The following CTNND2 variants were observed in gnomAD, a reference collection of about 807,000 sequenced individuals.
The protein encoded by CTNND2 is catenin delta 2, also known as catenin delta-2.
CTNND2 carries 22 observed loss-of-function variants against 144.4 expected under a neutral mutation model. That is an observed-to-expected ratio of 0.15 (90% CI 0.11 to 0.22). The LOEUF is 0.22. Among genes scored for constraint, CTNND2 ranks in the 10% least tolerant of loss-of-function variants. The pLI, the probability that CTNND2 is intolerant of heterozygous loss-of-function variation, is 1.00. For synonymous variants in CTNND2, 751 were observed against 695.6 expected (o/e 1.08, Z -1.25); for missense variants, 1,353 against 1,618.8 (o/e 0.84, Z 2.82).
intron 9 of CTNND2, among the ~76,000 whole-genome samples, chr5:11,286,692 G>A (rs1189843091): frequency 6.6e-6 from 1 of 152,198 alleles, no homozygotes; most frequent in East Asian, 1.9e-4. Flanking sequence ...GCTAACAGGA[G>A]TTGGCACATA....
At chr5:11,844,968 A>G (rs1794662449) in intron 1 of CTNND2, among the ~76,000 whole-genome samples, 1 of 152,148 alleles carries the variant, frequency 6.6e-6, no homozygotes, top group Non-Finnish European at 1.5e-5. Flanking sequence ...GCAGGGAGCC[A>G]TCATTTTCAT....
At chr5:11,423,821 A>C (rs924357168) in intron 3 of CTNND2, among the ~76,000 whole-genome samples, 4 of 152,230 alleles carry the variant, frequency 2.6e-5, no homozygotes, top group Non-Finnish European at 4.4e-5. Flanking sequence ...AGCAAAGCTA[A>C]CACCTCTTAG....
intron 3 of CTNND2, among the ~76,000 whole-genome samples, chr5:11,523,253 T>C (rs1772920122): frequency 6.6e-6 from 1 of 152,226 alleles, no homozygotes; most frequent in Non-Finnish European, 1.5e-5. Flanking sequence ...AGCACAATAA[T>C]GTTATTTTGA....
chr5:11,580,921 G>A (rs567862458), intron 2 of CTNND2, among the ~76,000 whole-genome samples: 2 of 152,192 alleles, frequency 1.3e-5, no homozygotes, highest in East Asian at 1.9e-4. Flanking sequence ...GTTTTTAGAA[G>A]CCCCCTCCTC....
chr5:11,327,072 C>T (rs773006940), intron 9 of CTNND2, among the ~76,000 whole-genome samples: 2 of 152,134 alleles, frequency 1.3e-5, no homozygotes, highest in African/African-American at 2.4e-5. Flanking sequence ...GCATGAAGTG[C>T]CTATGTCCAG....
At chr5:11,334,707 C>G in intron 9 of CTNND2, among the ~76,000 whole-genome samples, 1 of 152,306 alleles carries the variant, frequency 6.6e-6, no homozygotes. Flanking sequence ...CCTTCAAGAG[C>G]AGATAGATAG....
chr5:11,441,276 T>G (rs910067757), intron 3 of CTNND2, among the ~76,000 whole-genome samples: 2 of 152,064 alleles, frequency 1.3e-5, no homozygotes, highest in Non-Finnish European at 2.9e-5. Flanking sequence ...CCGAACAGAG[T>G]TGATATAAAA....
intron 2 of CTNND2, among the ~76,000 whole-genome samples, chr5:11,713,583 C>CAAAAAAAAAAA (rs1165519277): frequency 1.7e-5 from 1 of 57,890 alleles, no homozygotes; most frequent in African/African-American, 5.7e-5. Context: ...GACTCCATCT[C>CAAAAAAAAAAA]AAAAAAAAAA....
At chr5:11,252,652 C>T (rs1743780200) in intron 9 of CTNND2, among the ~76,000 whole-genome samples, 4 of 152,142 alleles carry the variant, frequency 2.6e-5, no homozygotes, top group African/African-American at 9.7e-5. Flanking sequence ...GTATAGAGAG[C>T]TTCAGCCACT....
chr5:11,892,560 T>G (rs1245904356), intron 1 of CTNND2, among the ~76,000 whole-genome samples: 3 of 152,062 alleles, frequency 2.0e-5, no homozygotes, highest in Non-Finnish European at 4.4e-5. Context: ...ACAAAGCAAT[T>G]TGCTCTAAAG....
In CTNND2 at chr5:11,765,806, C is replaced by T. The variant is rs72734974; in HGVS notation, c.38-33534G>A. Among the ~76,000 whole-genome samples, 1,326 of 152,080 alleles carry T rather than the reference C, an allele frequency of 8.7e-3. 6 individuals are homozygous for T. Among genetic ancestry groups the T allele is most frequent in the Non-Finnish European group, 0.015 (991 of 67,976 alleles). On this transcript the variant is annotated intron_variant, in intron 1 of 21. Transcript: ENST00000304623. ...CTCAACACAGCTTATTGTTAGAAAA[C>T]AAATCAAATAATTTGTTAATAATAA...
At chr5:11,806,356 T>C (rs1033192375) in intron 1 of CTNND2, among the ~76,000 whole-genome samples, 3 of 152,194 alleles carry the variant, frequency 2.0e-5, no homozygotes, top group Non-Finnish European at 2.9e-5. Context: ...AAATGCATTA[T>C]ATATCTAACA....
intron 2 of CTNND2, among the ~76,000 whole-genome samples, chr5:11,584,305 A>T (rs981090814): frequency 6.6e-6 from 1 of 152,052 alleles, no homozygotes; most frequent in Non-Finnish European, 1.5e-5. Context: ...ACAGTAGTGG[A>T]GGCGGAAAGG....
At chr5:11,577,011 A>G (rs1778023378) in intron 2 of CTNND2, among the ~76,000 whole-genome samples, 1 of 152,140 alleles carries the variant, frequency 6.6e-6, no homozygotes, top group Non-Finnish European at 1.5e-5. Flanking sequence ...ATATATATGA[A>G]ATGCCGAGAG....
intron 2 of CTNND2, among the ~76,000 whole-genome samples, chr5:11,624,152 G>C (rs1781027554): frequency 6.6e-6 from 1 of 151,932 alleles, no homozygotes; most frequent in Non-Finnish European, 1.5e-5. Flanking sequence ...CCCATGCATT[G>C]AGTATTTCTG....
intron 9 of CTNND2, among the ~76,000 whole-genome samples, chr5:11,266,332 T>C (rs1286634595): frequency 2.0e-5 from 3 of 152,128 alleles, no homozygotes; most frequent in Admixed American, 2.0e-4. Flanking sequence ...ATAATTATCA[T>C]AAATACACAC....
chr5:11,160,400 G>C (rs1442897580), intron 11 of CTNND2, among the ~76,000 whole-genome samples: 1 of 152,200 alleles, frequency 6.6e-6, no homozygotes, highest in Non-Finnish European at 1.5e-5. Flanking sequence ...AAGAGGGCAT[G>C]TCCACAATGG....
At chr5:11,216,349 G>T (rs1739197437) in intron 10 of CTNND2, among the ~76,000 whole-genome samples, 1 of 152,246 alleles carries the variant, frequency 6.6e-6, no homozygotes, top group Non-Finnish European at 1.5e-5. Flanking sequence ...TGATCTTAAA[G>T]AGTCTAACAT....
chr5:11,354,006 G>A (rs1459852187), intron 8 of CTNND2, among the ~76,000 whole-genome samples: 1 of 152,118 alleles, frequency 6.6e-6, no homozygotes, highest in Non-Finnish European at 1.5e-5. Context: ...TGAGTAAGAT[G>A]AGGGGACCGA....
Sources: gnomAD v4.1 joint callset for allele counts (sites outside exome capture counted in the v4.1 genomes callset) on GRCh38, gnomAD v4.1.1 for gene constraint, MANE v1.5 for transcripts, NCBI Gene and HGNC (gene_info 2026-07-23, HGNC 2026-07-21) for gene names.